Variants in PYGL observed in about 807,000 individuals in gnomAD.
The protein encoded by PYGL is glycogen phosphorylase L.
Under a neutral mutation model 100.1 loss-of-function variants are expected in PYGL, and 90 were observed. The ratio of observed to expected loss-of-function variants is 0.90; its 90% confidence interval spans 0.76 to 1.07. The LOEUF (loss-of-function observed/expected upper bound fraction) is 1.07. Ranked by LOEUF, PYGL falls within the 50% of genes least tolerant of loss-of-function variation. PYGL has a pLI of 0.00. For missense variants in PYGL, 1,016 were observed against 1,057.6 expected (o/e 0.96, Z 0.55); for synonymous variants, 373 against 393.0 (o/e 0.95, Z 0.60).
Position 50,920,504 on chromosome 14 carries a change from C to T in PYGL, c.855+37G>A, listed in dbSNP as rs149321004. The stretch of plus-strand genomic sequence containing the variant: ...AACAGGCTCTTGTGAAATAAGCTGC[C>T]TCTGTTGCCACTAAGAAAGCAACCT... On this transcript the variant is annotated intron_variant, in intron 7 of 19. Transcript: ENST00000216392. 6,066 of 1,537,240 alleles carry T rather than the reference C, an allele frequency of 3.9e-3. 23 individuals carry two copies. Among genetic ancestry groups the T allele is most frequent in the Middle Eastern group, 0.011 (63 of 5,892 alleles).
At chr14:50,937,330 A>G (rs546086146) in intron 2 of PYGL, among the ~76,000 whole-genome samples, 1 of 152,364 alleles carries the variant, frequency 6.6e-6, no homozygotes, top group Non-Finnish European at 1.5e-5. Flanking sequence ...GATCATTTTC[A>G]CAAATTGCCT....
Position 50,917,035 on chromosome 14 carries a change from A to G in PYGL, c.926T>C (p.Ile309Thr), listed in dbSNP as rs1178166174. The G allele has an allele frequency of 6.2e-7, 1 of 1,614,012 alleles. No individual in the cohort carries two copies. The highest frequency in any genetic ancestry group is 1.1e-5 in the South Asian group (1 of 91,082). The change falls in exon 8 of 20, where the codon ATC (isoleucine) becomes ACC (threonine). Residue 309 changes from isoleucine (I) to threonine (T), a missense_variant. Transcript: ENST00000216392. ...FVVAATLQDI[I>T]RRFKASKFGS... ...AAACTTGGAGGCTTTGAAACGGCGG[A>G]TGATATCTTGCAAGGTTGCAGCCAC...
chr14:50,910,395 A>G (rs1372984950), intron 16 of PYGL, among the ~76,000 whole-genome samples: 2 of 151,942 alleles, frequency 1.3e-5, no homozygotes, highest in African/African-American at 4.8e-5. Flanking sequence ...ATTCCTTCCA[A>G]TTTTTGTTAC....
Position 50,931,781 on chromosome 14 carries a change from A to G in PYGL, c.425-5T>C. 3.1e-6 allele frequency: 5 copies of G among 1,612,696 alleles called. No homozygotes were observed. Among genetic ancestry groups the G allele is most frequent in the Non-Finnish European group, 4.2e-6 (5 of 1,178,756 alleles). On this transcript the variant is annotated splice_region_variant and splice_polypyrimidine_tract_variant and intron_variant, in intron 3 of 19. Coordinates refer to ENST00000216392, the MANE Select transcript of PYGL (RefSeq NM_002863.5). ...CCATGGAATCCAAGAAGCAGGCTAC[A>G]TTCAACAGAGCACAGGCAAAAGATA... is the stretch of plus-strand genomic sequence containing the variant.
intron 19 of PYGL, 43 bp from the exon 20 acceptor site, chr14:50,905,599 C>T (rs758629520): frequency 1.4e-5 from 23 of 1,594,432 alleles, no homozygotes. Flanking sequence ...TCCCAGTGCG[C>T]AGTGAGCTTT....
intron 8 of PYGL, 33 bp from the exon 9 acceptor site, chr14:50,916,767 C>A: frequency 6.3e-7 from 1 of 1,593,584 alleles, no homozygotes; most frequent in Non-Finnish European, 8.6e-7. Context: ...ATGAAGGCAA[C>A]GGATGGCTCA....
intron 2 of PYGL, 25 bp from the exon 3 acceptor site, chr14:50,935,210 T>C (rs751885393): frequency 5.7e-6 from 9 of 1,575,196 alleles, no homozygotes; most frequent in Non-Finnish European, 7.9e-6. Flanking sequence ...AAAACAATAT[T>C]GGAAGCAGAT....
At chr14:50,937,105 A>G (rs1462297379) in intron 2 of PYGL, among the ~76,000 whole-genome samples, 1 of 152,228 alleles carries the variant, frequency 6.6e-6, no homozygotes, top group Non-Finnish European at 1.5e-5. Flanking sequence ...GTCTTTGCAA[A>G]TACACATTTC....
intron 19 of PYGL, among the ~76,000 whole-genome samples, chr14:50,906,499 A>T (rs1237419519): frequency 6.6e-6 from 1 of 152,246 alleles, no homozygotes; most frequent in Non-Finnish European, 1.5e-5. Context: ...TCAACAATAC[A>T]ATCATTGTTA....
At chr14:50,931,952 C>T (rs1322764198) in intron 3 of PYGL, among the ~76,000 whole-genome samples, 176 bp from the exon 4 acceptor site, 1 of 152,106 alleles carries the variant, frequency 6.6e-6, no homozygotes, top group Non-Finnish European at 1.5e-5. Context: ...TAACTCATTT[C>T]TAATTATAAA....
chr14:50,939,981 G>C (rs1315145195), intron 1 of PYGL, among the ~76,000 whole-genome samples: 1 of 152,090 alleles, frequency 6.6e-6, no homozygotes, highest in Admixed American at 6.5e-5. Flanking sequence ...ATGACCTAAC[G>C]GGCCACCTAA....
chr14:50,915,770 T>C, intron 10 of PYGL, 55 bp downstream of exon 10: 1 of 1,584,726 alleles, frequency 6.3e-7, no homozygotes, highest in Non-Finnish European at 8.6e-7. Flanking sequence ...TAGCCATCTG[T>C]AACACCTTAA....
intron 7 of PYGL, among the ~76,000 whole-genome samples, chr14:50,919,759 G>A (rs936537597): frequency 6.6e-6 from 1 of 151,998 alleles, no homozygotes; most frequent in Non-Finnish European, 1.5e-5. Flanking sequence ...TCGGCTCACT[G>A]CAATCTCTGT....
At chr14:50,940,068 C>T (rs888426854) in intron 1 of PYGL, among the ~76,000 whole-genome samples, 15 of 152,224 alleles carry the variant, frequency 9.9e-5, no homozygotes, top group African/African-American at 3.6e-4. Context: ...CTAGAACCCT[C>T]ACCAGCTATT....
At chr14:50,920,479 A>C in intron 7 of PYGL, 62 bp downstream of exon 7, 1 of 1,441,496 alleles carries the variant, frequency 6.9e-7, no homozygotes, top group Non-Finnish European at 9.8e-7. Context: ...TAGGTTACTG[A>C]ACAGGCTCTT....
intron 1 of PYGL, among the ~76,000 whole-genome samples, chr14:50,942,174 T>A (rs986212407): frequency 7.0e-6 from 1 of 142,064 alleles, no homozygotes; most frequent in African/African-American, 2.5e-5. Flanking sequence ...AGTAGATATT[T>A]GATGAACACG....
chr14:50,937,906 G>A, intron 1 of PYGL, 69 bp from the exon 2 acceptor site: 5 of 1,343,034 alleles, frequency 3.7e-6, no homozygotes, highest in Non-Finnish European at 5.3e-6. Flanking sequence ...AAAACACAAG[G>A]TCATGTGTTA....
intron 5 of PYGL, among the ~76,000 whole-genome samples, chr14:50,921,939 G>C (rs1490920580): frequency 6.6e-6 from 1 of 152,196 alleles, no homozygotes; most frequent in East Asian, 1.9e-4. Context: ...TTATTTTAGT[G>C]ATTCCTACAG....
rs542192724 is a variant in PYGL at position 50,918,655 on chromosome 14, C to T, written c.856-1550G>A. On this transcript the variant is annotated intron_variant, in intron 7 of 19. Transcript: ENST00000216392. The stretch of plus-strand genomic sequence containing the variant: ...ATGCAAAGGCATGAGAATGATGTAA[C>T]GGACTTTGGGGACTTGAGGGATAAA... 3.9e-5 allele frequency among the ~76,000 whole-genome samples: 6 copies of T among 152,276 alleles called. No homozygotes were observed. The South Asian group carries it at 8.3e-4, about 21-fold the overall frequency.
Sources: allele counts gnomAD v4.1 joint callset (sites outside exome capture counted in the v4.1 genomes callset), GRCh38; gene constraint gnomAD v4.1.1; transcripts MANE v1.5; gene names NCBI Gene and HGNC (gene_info 2026-07-23, HGNC 2026-07-21).